The following C5orf63 variants were observed in gnomAD, a reference collection of about 807,000 sequenced individuals.
C5orf63 encodes the protein glutaredoxin-like protein C5orf63.
In C5orf63, 18 loss-of-function variants were observed where a neutral mutation model predicts 13.3. The ratio of observed to expected loss-of-function variants is 1.36; its 90% CI spans 0.94 to 2.01. The LOEUF (loss-of-function observed/expected upper bound fraction) is 2.01. Among genes scored for constraint, C5orf63 ranks in the 30% most tolerant of loss-of-function variants. The pLI is 0.00. For missense variants in C5orf63, 118 were observed against 127.7 expected (o/e 0.92, Z 0.36); for synonymous variants, 38 against 44.7 (o/e 0.85, Z 0.60).
At chr5:127,055,841 GT>G (rs1039182977) in intron 3 of C5orf63, among the ~76,000 whole-genome samples, 2 of 151,972 alleles carry the variant, frequency 1.3e-5, no homozygotes, top group Non-Finnish European at 2.9e-5. Flanking sequence ...GTTTTGTTTT[GT>G]TTTTTAGACC....
chr5:127,057,999 T>C (rs1229492094), intron 3 of C5orf63, among the ~76,000 whole-genome samples: 1 of 152,208 alleles, frequency 6.6e-6, no homozygotes, highest in African/African-American at 2.4e-5. Flanking sequence ...AGTTTAGTGT[T>C]AATGAATCAA....
chr5:127,056,570 A>T (rs1443546498), intron 3 of C5orf63: 1 of 152,042 alleles, frequency 6.6e-6, no homozygotes, highest in Non-Finnish European at 1.5e-5. Flanking sequence ...CACAGGAAAG[A>T]CTCACCCCCA....
At chr5:127,071,102 G>A (rs1754521986) in intron 2 of C5orf63, among the ~76,000 whole-genome samples, 1 of 152,166 alleles carries the variant, frequency 6.6e-6, no homozygotes, top group Non-Finnish European at 1.5e-5. Flanking sequence ...TTTGCAATGT[G>A]CCAGGTGCTG....
intron 2 of C5orf63, among the ~76,000 whole-genome samples, chr5:127,068,806 T>A (rs955831826): frequency 6.6e-6 from 1 of 152,134 alleles, no homozygotes; most frequent in African/African-American, 2.4e-5. Context: ...GGGAAGAGTT[T>A]CCAAACACTC....
downstream of C5orf63, chr5:127,044,548 G>A (rs1315565328): frequency 6.6e-6 from 1 of 152,074 alleles, no homozygotes; most frequent in Admixed American, 6.6e-5. Context: ...TCAATAGAGA[G>A]GTACCAAATC....
At chr5:127,047,376 T>G (rs1291164596), downstream of C5orf63, 1 of 253,898 alleles carries the variant, frequency 3.9e-6, no homozygotes, top group African/African-American at 2.2e-5. Flanking sequence ...ATAGGTGACA[T>G]AACACTGATA....
intron 2 of C5orf63, among the ~76,000 whole-genome samples, chr5:127,062,060 T>C (rs369792199): frequency 6.6e-6 from 1 of 152,198 alleles, no homozygotes; most frequent in East Asian, 1.9e-4. Flanking sequence ...GACTGAAGTA[T>C]TAAGGCTTTT....
chr5:127,059,365 C>T lies in C5orf63; in HGVS notation c.-7-363G>A, dbSNP rs180674303. 3.6e-3 allele frequency among the ~76,000 whole-genome samples: 545 copies of T among 152,210 alleles called. 3 individuals are homozygous for T. The highest frequency in any genetic ancestry group is 0.012 in the African/African-American group (518 of 41,530). The stretch of plus-strand genomic sequence containing the variant: ...AAAATATGGAGGTTTCCTGAGATGG[C>T]TTTTATTCTCATGGATAGCTTATTA... On this transcript the variant is annotated intron_variant, in intron 2 of 4. Transcript: ENST00000296662.
At chr5:127,066,746 G>A (rs1333420772) in intron 2 of C5orf63, among the ~76,000 whole-genome samples, 2 of 151,984 alleles carry the variant, frequency 1.3e-5, no homozygotes, top group East Asian at 3.9e-4. Flanking sequence ...TTACAGCTAT[G>A]AAACTAGGTG....
intron 3 of C5orf63, among the ~76,000 whole-genome samples, chr5:127,054,918 G>A (rs1753820393): frequency 6.6e-6 from 1 of 152,138 alleles, no homozygotes; most frequent in Non-Finnish European, 1.5e-5. Context: ...TTTGTATAAG[G>A]TGTAAGGAAG....
At chr5:127,063,123 GC>G (rs1470496948) in intron 2 of C5orf63, among the ~76,000 whole-genome samples, 1 of 152,146 alleles carries the variant, frequency 6.6e-6, no homozygotes, top group Non-Finnish European at 1.5e-5. Flanking sequence ...CCCCTCGGAG[GC>G]ATGGATCACC....
chr5:127,066,379 G>C (rs1754336647), intron 2 of C5orf63, among the ~76,000 whole-genome samples: 1 of 152,144 alleles, frequency 6.6e-6, no homozygotes, highest in South Asian at 2.1e-4. Flanking sequence ...GAGTGGAGCA[G>C]GGACGCAGGT....
downstream of C5orf63, chr5:127,046,985 T>C (rs1753534285): frequency 1.3e-5 from 2 of 152,236 alleles, no homozygotes; most frequent in South Asian, 4.1e-4. Flanking sequence ...CCTGGCTGTA[T>C]TGTGATTCCT....
downstream of C5orf63, chr5:127,044,101 A>G (rs1394922440): frequency 6.6e-6 from 1 of 152,298 alleles, no homozygotes; most frequent in East Asian, 1.9e-4. Flanking sequence ...TTTAACTTGT[A>G]TCATCTAAAC....
exon 5 of C5orf63, chr5:127,046,065 T>C (rs1239105885): frequency 1.3e-5 from 2 of 152,248 alleles, no homozygotes; most frequent in Non-Finnish European, 2.9e-5. Flanking sequence ...GGTGGCCACA[T>C]TTCCAACCAT....
At chr5:127,053,341 T>C (rs1176651023) in intron 3 of C5orf63, among the ~76,000 whole-genome samples, 2 of 151,980 alleles carry the variant, frequency 1.3e-5, no homozygotes, top group Non-Finnish European at 2.9e-5. Flanking sequence ...GAGAATACTA[T>C]GGATCGTCGG....
At chr5:127,058,070 G>T (rs1046707738) in intron 3 of C5orf63, among the ~76,000 whole-genome samples, 4 of 151,968 alleles carry the variant, frequency 2.6e-5, no homozygotes, top group Admixed American at 2.0e-4. Flanking sequence ...TTTATTTTAG[G>T]TTCGGGGGTA....
rs1384733398 is a variant in C5orf63, at chr5:127,073,452, T to G, written c.-111A>C. ...CGGCGCGGGACTAAGGGAACCCACC[T>G]GAGCCTCACGCCGCCAACGCCTCTG... On this transcript the variant is annotated splice_region_variant and 5_prime_UTR_variant, in exon 1 of 5. Coordinates refer to ENST00000296662, the MANE Select transcript of C5orf63 (RefSeq NM_001164478.2). The G allele has an allele frequency of 6.6e-6, 1 of 152,338 alleles. No homozygotes were observed. Among genetic ancestry groups the G allele is most frequent in the African/African-American group, 2.4e-5 (1 of 41,460 alleles). 9.4% of individuals were successfully genotyped at this position (152,338 alleles called of 1,614,324 possible).
chr5:127,046,631 T>C (rs898697682), downstream of C5orf63: 6 of 152,250 alleles, frequency 3.9e-5, no homozygotes, highest in African/African-American at 1.4e-4. Context: ...ACCGCTTCCA[T>C]AGCCAGTTGG....
Sources: gnomAD v4.1 joint callset for allele counts (sites outside exome capture counted in the v4.1 genomes callset) on GRCh38, gnomAD v4.1.1 for gene constraint, MANE v1.5 for transcripts, NCBI Gene and HGNC (gene_info 2026-07-23, HGNC 2026-07-21) for gene names.